Variants in TOX2 observed in about 807,000 individuals in gnomAD.
The protein encoded by TOX2 is granulosa cell HMG box 1.
TOX2 carries 15 observed loss-of-function variants against 47.4 expected under a neutral mutation model. The ratio of observed to expected loss-of-function variants is 0.32; its 90% CI spans 0.21 to 0.49. TOX2 has a LOEUF of 0.49. Among genes scored for constraint, TOX2 ranks in the 20% least tolerant of loss-of-function variants. TOX2 has a pLI of 0.99. For missense variants in TOX2, 622 were observed against 673.1 expected, an observed-to-expected ratio of 0.92 and a Z score of 0.84; for synonymous variants, 290 against 296.6, an observed-to-expected ratio of 0.98 and a Z score of 0.23.
chr20:43,921,271 G>A (rs1170596023), intron 1 of TOX2, among the ~76,000 whole-genome samples: 1 of 152,216 alleles, frequency 6.6e-6, no homozygotes, highest in African/African-American at 2.4e-5. Context: ...CCCCTGCTGT[G>A]TGGCTCCTTG....
rs1190477248 is a variant in TOX2 at position 44,026,242 on chromosome 20, TATATATAGAC to T, written c.411+19452_411+19461del. ...AAAGAAACTGTGATATATATATATA[TATATATAGAC>T]ACACACACACACAATGGAATACTAC... On this transcript the variant is annotated intron_variant, in intron 3 of 8. Transcript: ENST00000341197. Among the ~76,000 whole-genome samples, 594 of 101,288 alleles carry T rather than the reference TATATATAGAC, an allele frequency of 5.9e-3. 90 individuals are homozygous for T. Among genetic ancestry groups the T allele is most frequent in the African/African-American group, 0.025 (561 of 22,374 alleles). 66.4% of individuals were successfully genotyped at this position (101,288 alleles called of 152,430 possible).
At chr20:43,992,890 T>C (rs2070395171) in intron 2 of TOX2, among the ~76,000 whole-genome samples, 1 of 151,506 alleles carries the variant, frequency 6.6e-6, no homozygotes, top group South Asian at 2.1e-4. Context: ...AGGGCCAGAT[T>C]TGGTCCACGG....
At chr20:44,032,480 T>C (rs1176434968) in intron 3 of TOX2, among the ~76,000 whole-genome samples, 1 of 151,846 alleles carries the variant, frequency 6.6e-6, no homozygotes, top group African/African-American at 2.4e-5. Context: ...GCTGCTCGAG[T>C]GCTGAAGGAA....
chr20:44,003,328 G>A (rs1458570877), intron 2 of TOX2, among the ~76,000 whole-genome samples: 1 of 152,018 alleles, frequency 6.6e-6, no homozygotes, highest in East Asian at 1.9e-4. Flanking sequence ...TGGGACTACA[G>A]GTGCATGGCC....
intron 4 of TOX2, among the ~76,000 whole-genome samples, chr20:44,051,798 A>G (rs1452417315): frequency 2.0e-5 from 3 of 152,242 alleles, no homozygotes; most frequent in Non-Finnish European, 2.9e-5. Context: ...TGGCAGGTGG[A>G]GCACCTGGTC....
At chr20:43,967,335 G>A (rs866495581) in intron 1 of TOX2, among the ~76,000 whole-genome samples, 1 of 152,168 alleles carries the variant, frequency 6.6e-6, no homozygotes, top group Non-Finnish European at 1.5e-5. Context: ...ATGAGGATTT[G>A]AGAATTGGTG....
intron 1 of TOX2, among the ~76,000 whole-genome samples, chr20:43,925,766 T>C (rs6073255): frequency 6.6e-6 from 1 of 152,240 alleles, no homozygotes; most frequent in Non-Finnish European, 1.5e-5. Context: ...AGCCTTTTCC[T>C]ATTTTCTTAT....
chr20:44,033,601 C>G (rs908468178), intron 3 of TOX2, among the ~76,000 whole-genome samples: 2 of 151,854 alleles, frequency 1.3e-5, no homozygotes, highest in African/African-American at 4.8e-5. Flanking sequence ...AGAACCACTG[C>G]TGATGAAACC....
intron 5 of TOX2, among the ~76,000 whole-genome samples, chr20:44,063,561 C>A (rs2071756966): frequency 6.6e-6 from 1 of 152,148 alleles, no homozygotes; most frequent in Non-Finnish European, 1.5e-5. Context: ...CCCCAAAGAA[C>A]TAAAAGTAGA....
chr20:44,018,479 C>T (rs957829872), intron 3 of TOX2, among the ~76,000 whole-genome samples: 8 of 152,198 alleles, frequency 5.3e-5, no homozygotes, highest in Non-Finnish European at 8.8e-5. Flanking sequence ...AGTGCATATT[C>T]AGGACCATGT....
intron 1 of TOX2, among the ~76,000 whole-genome samples, chr20:43,925,297 C>T (rs1457061693): frequency 6.6e-6 from 1 of 151,986 alleles, no homozygotes; most frequent in Non-Finnish European, 1.5e-5. Flanking sequence ...GTTTCCTCAA[C>T]ATGGGTGAAA....
intron 5 of TOX2, among the ~76,000 whole-genome samples, chr20:44,058,163 G>A (rs2071655418): frequency 6.6e-6 from 1 of 152,240 alleles, no homozygotes; most frequent in Non-Finnish European, 1.5e-5. Context: ...CTCTGGGACA[G>A]CCAAGGAATT....
At chr20:43,968,733 A>G (rs1370934417) in intron 1 of TOX2, among the ~76,000 whole-genome samples, 1 of 152,228 alleles carries the variant, frequency 6.6e-6, no homozygotes, top group Non-Finnish European at 1.5e-5. Flanking sequence ...AGGACTGAAG[A>G]TGGCAATGGG....
intron 3 of TOX2, among the ~76,000 whole-genome samples, chr20:44,022,954 A>G (rs957099173): frequency 6.6e-6 from 1 of 151,404 alleles, no homozygotes; most frequent in African/African-American, 2.4e-5. Context: ...AGAAACAGGC[A>G]CCAGACGGGA....
chr20:44,001,558 C>T (rs1220364254), intron 2 of TOX2, among the ~76,000 whole-genome samples: 5 of 152,206 alleles, frequency 3.3e-5, no homozygotes, highest in African/African-American at 1.2e-4. Flanking sequence ...TTTGATACAG[C>T]ATATGCTTAT....
At chr20:43,989,686 T>C (rs370908829) in intron 2 of TOX2, among the ~76,000 whole-genome samples, 4 of 150,408 alleles carry the variant, frequency 2.7e-5, no homozygotes, top group East Asian at 2.0e-4. Context: ...AGGCTGAGGC[T>C]GGAGAATCAC....
intron 1 of TOX2, among the ~76,000 whole-genome samples, chr20:43,917,984 A>G (rs2069076267): frequency 6.6e-6 from 1 of 152,214 alleles, no homozygotes; most frequent in Non-Finnish European, 1.5e-5. Flanking sequence ...ACTGAGTCAC[A>G]GAGGAGTGTA....
intron 2 of TOX2, among the ~76,000 whole-genome samples, chr20:43,998,238 T>A (rs895601645): frequency 2.6e-5 from 4 of 152,158 alleles, no homozygotes; most frequent in Non-Finnish European, 5.9e-5. Context: ...CATGATCCAA[T>A]CACCTTCCAC....
intron 2 of TOX2, among the ~76,000 whole-genome samples, chr20:43,979,263 G>C (rs1429288624): frequency 6.6e-6 from 1 of 152,182 alleles, no homozygotes; most frequent in Non-Finnish European, 1.5e-5. Flanking sequence ...CCTTGGGAGT[G>C]AAGGAGATTT....
Sources: allele counts gnomAD v4.1 joint callset (sites outside exome capture counted in the v4.1 genomes callset), GRCh38; gene constraint gnomAD v4.1.1; transcripts MANE v1.5; gene names NCBI Gene and HGNC (gene_info 2026-07-23, HGNC 2026-07-21).